Variants in POLQ observed in about 807,000 individuals in gnomAD.
The protein encoded by POLQ is DNA polymerase theta.
Under a neutral mutation model 259.2 loss-of-function variants are expected in POLQ, and 233 were observed. The ratio of observed to expected loss-of-function variants is 0.90; its 90% CI spans 0.81 to 1.00. The LOEUF (loss-of-function observed/expected upper bound fraction) is 1.00, where lower values mean the gene tolerates loss of function less well. Ranked by LOEUF, POLQ falls within the 50% of genes least tolerant of loss-of-function variation. POLQ has a pLI of 0.00. For synonymous variants in POLQ, 1,025 were observed against 1,048.8 expected (o/e 0.98, Z 0.44); for missense variants, 2,871 against 3,051.6 (o/e 0.94, Z 1.39).
At position 121,510,256 on chromosome 3, in the gene POLQ, A is replaced by G; in HGVS notation, c.1612-13T>C. 6.3e-7 allele frequency: 1 copy of G among 1,592,176 alleles called. No individual in the cohort carries two copies. On this transcript the variant is annotated splice_polypyrimidine_tract_variant and intron_variant, in intron 10 of 29. Coordinates refer to ENST00000264233, the MANE Select transcript of POLQ (RefSeq NM_199420.4). ...CACCAACTATTATCTGAAAGAAGAT[A>G]TTTGGAAATTTCTGTAGCTTTTTAA...
intron 5 of POLQ, among the ~76,000 whole-genome samples, chr3:121,534,917 T>C (rs1326169621): frequency 6.6e-6 from 1 of 152,220 alleles, no homozygotes; most frequent in Non-Finnish European, 1.5e-5. Context: ...AAATAAATGA[T>C]ATGAATCCAT....
Position 121,485,173 on chromosome 3 carries a change from G to C in POLQ, c.5641C>G (p.Gln1881Glu). 6.3e-7 allele frequency: 1 copy of C among 1,595,556 alleles called. No individual in the cohort carries two copies. The change falls in exon 17 of 30, where the codon CAG becomes GAG. Residue 1881 changes from glutamine (Q) to glutamate (E), a missense_variant. By Grantham distance (29) the Gln-to-Glu change is conservative. Coordinates refer to ENST00000264233, the MANE Select transcript of POLQ (RefSeq NM_199420.4). ...GSRFKQASSP[Q>E]EIPIRDDGFP... The stretch of plus-strand genomic sequence containing the variant: ...CCATCATCTCTAATAGGAATTTCCT[G>C]AGGTGAGCTAGCTAAGTAAAACAAA...
chr3:121,498,389 C>T, intron 13 of POLQ, 88 bp downstream of exon 13: 1 of 849,652 alleles, frequency 1.2e-6, no homozygotes, highest in African/African-American at 1.7e-5. Context: ...ATTTTATTGA[C>T]AATGAAAGTG....
intron 9 of POLQ, among the ~76,000 whole-genome samples, chr3:121,519,377 T>TAC (rs1053791085): frequency 4.1e-5 from 6 of 147,140 alleles, no homozygotes; most frequent in African/African-American, 1.5e-4. Context: ...TATATATATA[T>TAC]ATATATATGA....
chr3:121,448,589 T>A (rs902987294), intron 26 of POLQ, among the ~76,000 whole-genome samples: 2 of 151,862 alleles, frequency 1.3e-5, no homozygotes, highest in African/African-American at 4.8e-5. Context: ...ATGGTCTCGA[T>A]CTCTTGACCT....
Position 121,485,101 on chromosome 3 carries a change from C to T in POLQ, c.5713G>A (p.Val1905Ile). Residue 1905 changes from valine to isoleucine, a missense_variant, in exon 17 of 30, where the codon GTA (valine) becomes ATA (isoleucine). Physicochemically the swap from Val to Ile is conservative, Grantham distance 29. Around this residue, in one of 3 missense-constraint regions of POLQ, gnomAD observed 2,080 missense variants for 2,126.0 expected, o/e 0.98. Coordinates refer to ENST00000264233, the MANE Select transcript of POLQ (RefSeq NM_199420.4). ...CDDTLVVGLA[V>I]CWGGRDAYYF... ...TAGGCATCCCTTCCACCCCAGCATA[C>T]TGCCAGTCCAACCACCAAGGTGTCA... 2 of 1,612,796 alleles carry T rather than the reference C, an allele frequency of 1.2e-6. No homozygotes were observed. Among genetic ancestry groups the T allele is most frequent in the South Asian group, 2.2e-5 (2 of 90,984 alleles).
At chr3:121,450,635 G>A (rs2047667314) in intron 25 of POLQ, among the ~76,000 whole-genome samples, 1 of 150,804 alleles carries the variant, frequency 6.6e-6, no homozygotes, top group Non-Finnish European at 1.5e-5. Context: ...TTTCTGGCTT[G>A]TAGGCTTTCT....
At chr3:121,529,351 T>C (rs948825461) in intron 7 of POLQ, among the ~76,000 whole-genome samples, 1 of 152,140 alleles carries the variant, frequency 6.6e-6, no homozygotes, top group African/African-American at 2.4e-5. Flanking sequence ...ATTTAGGGGC[T>C]CCAAAGATCA....
intron 12 of POLQ, among the ~76,000 whole-genome samples, chr3:121,499,246 T>C (rs2048147632): frequency 6.6e-6 from 1 of 150,512 alleles, no homozygotes; most frequent in Non-Finnish European, 1.5e-5. Context: ...GCATACAAAC[T>C]GGATTTTATA....
rs374978275 is a variant in POLQ, at chr3:121,488,845, G to C, written c.4086C>G (p.Asn1362Lys). ...GIMQKSLVQQ[N>K]SMNSFQKECH... ...ACTCCTTCTGAAAAGAGTTCATTGA[G>C]TTCTGTTGGACTAAGCTCTTCTGCA... is the stretch of plus-strand genomic sequence containing the variant. The change falls in exon 16 of 30, where the codon AAC becomes AAG. Residue 1362 changes from asparagine (N) to lysine (K), a missense_variant. Asn to Lys is a moderately conservative substitution (Grantham distance 94). Transcript: ENST00000264233. 1.9e-6 allele frequency: 3 copies of C among 1,613,810 alleles called. No homozygotes were observed. Among genetic ancestry groups the C allele is most frequent in the Non-Finnish European group, 2.5e-6 (3 of 1,179,916 alleles).
intron 16 of POLQ, among the ~76,000 whole-genome samples, chr3:121,486,707 T>C (rs1343865603): frequency 2.0e-5 from 3 of 151,654 alleles, no homozygotes; most frequent in Admixed American, 6.6e-5. Flanking sequence ...CTACTAAAAA[T>C]ACAAAAATTA....
chr3:121,480,803 TC>T (rs1181887207), intron 19 of POLQ, among the ~76,000 whole-genome samples: 2 of 152,338 alleles, frequency 1.3e-5, no homozygotes, highest in East Asian at 3.8e-4. Flanking sequence ...ACTTACAGTT[TC>T]AGTAGTTTGC....
Position 121,489,082 on chromosome 3 carries a change from C to G in POLQ, c.3849G>C (p.Glu1283Asp). The G allele has an allele frequency of 6.2e-7, 1 of 1,613,502 alleles. No individual in the cohort carries two copies. Among genetic ancestry groups the G allele is most frequent in the Non-Finnish European group, 8.5e-7 (1 of 1,179,520 alleles). ...GAFSKSEGQH[E>D]NFLNISRLQE... ...GTAGTCTAGAAATATTTAGAAAATT[C>G]TCATGCTGGCCTTCTGATTTGCTAA... is the stretch of plus-strand genomic sequence containing the variant. Residue 1283 changes from glutamate (E) to aspartate (D), a missense_variant, in exon 16 of 30, where the codon GAG (glutamate) becomes GAC (aspartate). By Grantham distance (45) the Glu-to-Asp change is conservative. Coordinates refer to ENST00000264233, the MANE Select transcript of POLQ (RefSeq NM_199420.4).
At chr3:121,449,210 A>C in intron 26 of POLQ, 105 bp downstream of exon 26, 1 of 636,084 alleles carries the variant, frequency 1.6e-6, no homozygotes, top group African/African-American at 1.8e-5. Context: ...CCTGATGAAA[A>C]CTTCTGACTA....
Position 121,541,367 on chromosome 3 carries a change from C to T in POLQ, c.456G>A (p.Glu152=). Residue 152 remains glutamate, a synonymous_variant, in exon 3 of 30, where the codon GAG becomes GAA. Coordinates refer to ENST00000264233, the MANE Select transcript of POLQ (RefSeq NM_199420.4). The part of the protein sequence containing the change: ...FILPFVSVAK[E]KKYYLQSLFQ... ...ACATTACCTGGAGGTAGTATTTCTT[C>T]TCTTTAGCCACAGAAACAAAGGGAA... 1 of 1,602,490 alleles carries T rather than the reference C, an allele frequency of 6.2e-7. No individual in the cohort carries two copies. Among genetic ancestry groups the T allele is most frequent in the Non-Finnish European group, 8.5e-7 (1 of 1,176,114 alleles).
At chr3:121,496,681 A>G in intron 14 of POLQ, 127 bp downstream of exon 14, 1 of 924,284 alleles carries the variant, frequency 1.1e-6, no homozygotes, top group Non-Finnish European at 1.6e-6. Context: ...GATGATGACA[A>G]GAACTGTACA....
rs148760895 is a variant in POLQ, at chr3:121,501,692, A to G, written c.1960-3022T>C. 6.8e-3 allele frequency among the ~76,000 whole-genome samples: 997 copies of G among 145,576 alleles called. 16 individuals are homozygous for G. Among genetic ancestry groups the G allele is most frequent in the African/African-American group, 0.024 (951 of 39,094 alleles). The stretch of plus-strand genomic sequence containing the variant: ...AAAAAAAAAAAAAAAAAAAAAAAGA[A>G]ATGCTAGCCAGGCGCAGCGGCTCAT... On this transcript the variant is annotated intron_variant, in intron 12 of 29. Transcript: ENST00000264233.
In POLQ at chr3:121,476,552, A is replaced by T; in HGVS notation, c.6393T>A (p.Asp2131Glu). ...CCCATGATACAACCTCAGCGATGTC[A>T]TCTGAACTGGTGAAAGAAAAACTGT... ...AGHSFSFTSSDDIAEVLFLEL... is the reference protein window; with the variant it reads ...AGHSFSFTSSEDIAEVLFLEL... Residue 2131 changes from aspartate (D) to glutamate (E), a missense_variant, in exon 20 of 30, where the codon GAT becomes GAA. Physicochemically the swap from Asp to Glu is conservative, Grantham distance 45. This residue lies in a region of POLQ where 2,080 missense variants were observed against 2,126.0 expected (regional missense o/e 0.98). Coordinates refer to ENST00000264233, the MANE Select transcript of POLQ (RefSeq NM_199420.4). 6.2e-7 allele frequency: 1 copy of T among 1,612,940 alleles called. No homozygotes were observed. Among genetic ancestry groups the T allele is most frequent in the Non-Finnish European group, 8.5e-7 (1 of 1,179,266 alleles).
Position 121,483,586 on chromosome 3 carries a change from TAAAAAAA to T in POLQ, c.5774-11_5774-5del. Reference sequence around the variant, plus strand: ...GGAACCAAACTGGCACTAATTTCTTTAAAAAAAAAAAAAAAAAGGAAAAAACATTTTT... The same window carrying T: ...GGAACCAAACTGGCACTAATTTCTTTAAAAAAAAAAGGAAAAAACATTTTT... On this transcript the variant is annotated splice_region_variant and splice_polypyrimidine_tract_variant and intron_variant, in intron 17 of 29. Transcript: ENST00000264233. 1 of 1,277,410 alleles carries T rather than the reference TAAAAAAA, an allele frequency of 7.8e-7. No individual in the cohort carries two copies. The highest frequency in any genetic ancestry group is 1.0e-6 in the Non-Finnish European group (1 of 969,094). 79.1% of individuals were successfully genotyped at this position (1,277,410 alleles called of 1,614,324 possible).
Sources: gnomAD v4.1 joint callset for allele counts (sites outside exome capture counted in the v4.1 genomes callset) on GRCh38, gnomAD v4.1.1 for gene constraint, gnomAD v4.1.1 regional missense constraint, MANE v1.5 for transcripts, NCBI Gene and HGNC (gene_info 2026-07-23, HGNC 2026-07-21) for gene names.